PSD3: variants seen among roughly 807,000 people sequenced by gnomAD.
PSD3 encodes the protein PH and SEC7 domain-containing protein 3.
In PSD3, 49 loss-of-function variants were observed where a neutral mutation model predicts 105.5. That is an observed-to-expected ratio of 0.46 (90% CI 0.37 to 0.59). PSD3 has a LOEUF of 0.59. Ranked by LOEUF, PSD3 falls within the 20% of genes least tolerant of loss-of-function variation. PSD3 has a pLI of 0.00. For synonymous variants in PSD3, 557 were observed against 457.8 expected, an observed-to-expected ratio of 1.22 and a Z score of -2.77; for missense variants, 1,561 against 1,263.8, an observed-to-expected ratio of 1.24 and a Z score of -3.57.
intron 9 of PSD3, among the ~76,000 whole-genome samples, chr8:18,762,641 T>C (rs914170907): frequency 2.6e-5 from 4 of 152,184 alleles, no homozygotes; most frequent in African/African-American, 9.7e-5. Flanking sequence ...ATGTCAAATA[T>C]CGGTTTAGGT....
At chr8:18,984,837 C>A (rs1481253451) in intron 1 of PSD3, among the ~76,000 whole-genome samples, 1 of 152,222 alleles carries the variant, frequency 6.6e-6, no homozygotes, top group East Asian at 1.9e-4. Context: ...ACCTTGGAGG[C>A]TGTGAAGGCA....
At chr8:18,824,732 G>T (rs951838218) in intron 4 of PSD3, among the ~76,000 whole-genome samples, 3 of 152,138 alleles carry the variant, frequency 2.0e-5, no homozygotes, top group Admixed American at 6.5e-5. Context: ...AATAAGAACA[G>T]AGATCAAGAT....
chr8:18,630,013 A>C (rs1159629558), intron 11 of PSD3, among the ~76,000 whole-genome samples: 2 of 151,866 alleles, frequency 1.3e-5, no homozygotes, highest in Non-Finnish European at 2.9e-5. Flanking sequence ...TGATAGCCCC[A>C]TGGAAAAACA....
chr8:19,008,424 A>G (rs901984021), intron 1 of PSD3, among the ~76,000 whole-genome samples: 1 of 152,196 alleles, frequency 6.6e-6, no homozygotes, highest in Non-Finnish European at 1.5e-5. Context: ...CTTCGCCAGA[A>G]AATAACACAG....
chr8:18,769,661 G>A (rs190044802), intron 8 of PSD3, among the ~76,000 whole-genome samples: 78 of 152,194 alleles, frequency 5.1e-4, no homozygotes, highest in African/African-American at 1.8e-3. Flanking sequence ...GGGACCACCT[G>A]GCAAGCACAA....
chr8:18,958,206 A>G (rs1256110474), intron 1 of PSD3, among the ~76,000 whole-genome samples: 2 of 152,240 alleles, frequency 1.3e-5, no homozygotes, highest in Non-Finnish European at 2.9e-5. Context: ...ACTACCGCCA[A>G]GATATACTGT....
chr8:19,083,516 C>T (rs952941972), intron 1 of PSD3, among the ~76,000 whole-genome samples: 1 of 152,192 alleles, frequency 6.6e-6, no homozygotes, highest in Non-Finnish European at 1.5e-5. Context: ...ATGGAGGCTC[C>T]TGTCCCAGGC....
At chr8:18,998,187 A>G (rs1056799558) in intron 1 of PSD3, among the ~76,000 whole-genome samples, 2 of 151,950 alleles carry the variant, frequency 1.3e-5, no homozygotes, top group Admixed American at 6.6e-5. Context: ...AAAGAGTTGT[A>G]TTTTAAATAA....
At chr8:18,651,341 T>A (rs766596119) in intron 10 of PSD3, among the ~76,000 whole-genome samples, 6 of 152,244 alleles carry the variant, frequency 3.9e-5, no homozygotes, top group Non-Finnish European at 8.8e-5. Flanking sequence ...TATCGTGATT[T>A]CCTCTAAGGT....
chr8:18,726,948 C>T (rs1212235160), intron 9 of PSD3, among the ~76,000 whole-genome samples: 1 of 152,052 alleles, frequency 6.6e-6, no homozygotes, highest in African/African-American at 2.4e-5. Flanking sequence ...AGCACTTGCA[C>T]TTTGGGAGGC....
At chr8:18,981,049 C>T (rs1184260908) in intron 1 of PSD3, among the ~76,000 whole-genome samples, 1 of 152,134 alleles carries the variant, frequency 6.6e-6, no homozygotes, top group African/African-American at 2.4e-5. Flanking sequence ...CTCCCCTGTC[C>T]CTGCTCCCCT....
chr8:18,752,735 C>T (rs1805716722), intron 9 of PSD3, among the ~76,000 whole-genome samples: 1 of 128,444 alleles, frequency 7.8e-6, no homozygotes, highest in Admixed American at 9.1e-5. Context: ...TAAGTCTATA[C>T]TGTATGACAA....
chr8:18,554,495 C>T lies in PSD3; in HGVS notation c.2928+1714G>A, dbSNP rs138440420. Among the ~76,000 whole-genome samples the T allele has an allele frequency of 1.5e-4, 23 of 152,096 alleles. No individual in the cohort carries two copies. In the Middle Eastern group the frequency reaches 0.01, roughly 67 times the overall value. On this transcript the variant is annotated intron_variant, in intron 15 of 15. Coordinates refer to ENST00000327040, the MANE Select transcript of PSD3 (RefSeq NM_015310.4). The stretch of plus-strand genomic sequence containing the variant: ...AAATAGTTCTCTTAGTAGAGTTCTC[C>T]GCCCAGAGCAAGGATTTGCTTGACC...
intron 9 of PSD3, among the ~76,000 whole-genome samples, chr8:18,676,012 C>G (rs1800044871): frequency 6.6e-6 from 1 of 152,172 alleles, no homozygotes; most frequent in Non-Finnish European, 1.5e-5. Context: ...TCCTTATGGT[C>G]AACTTCAGGT....
chr8:18,638,381 G>C (rs1807421651), intron 10 of PSD3, among the ~76,000 whole-genome samples: 1 of 150,382 alleles, frequency 6.6e-6, no homozygotes. Flanking sequence ...CTTATATATA[G>C]AAAAACCGTA....
intron 9 of PSD3, among the ~76,000 whole-genome samples, chr8:18,668,578 C>G (rs1171822935): frequency 6.6e-6 from 1 of 152,202 alleles, no homozygotes; most frequent in African/African-American, 2.4e-5. Context: ...CTGCCAAGGT[C>G]ATACAGCAGA....
intron 9 of PSD3, among the ~76,000 whole-genome samples, chr8:18,734,761 A>G (rs1218835295): frequency 1.3e-5 from 2 of 152,200 alleles, no homozygotes; most frequent in Non-Finnish European, 2.9e-5. Context: ...TGAACCCGTA[A>G]CTGTAAATAT....
At chr8:18,594,241 ATTATATATAT>A (rs1296359472) in intron 12 of PSD3, among the ~76,000 whole-genome samples, 1 of 8,928 alleles carries the variant, frequency 1.1e-4, no homozygotes, top group African/African-American at 2.6e-4. Flanking sequence ...AATATATATT[ATTATATATAT>A]TATATAATAT....
rs1328140604 is a variant in PSD3 at position 18,528,286 on chromosome 8, G to A, written c.*7457C>T. On this transcript the variant is annotated 3_prime_UTR_variant, in exon 16 of 16. Transcript: ENST00000327040. ...TCGACCCTTCCCCTAGAAAGGAAAC[G>A]TTAGCCATTTCCAGGAATCTGGGTG... 13 of 152,212 alleles carry A rather than the reference G, an allele frequency of 8.5e-5. No individual in the cohort carries two copies. Among genetic ancestry groups the A allele is most frequent in the Admixed American group, 5.9e-4 (9 of 15,282 alleles). 9.4% of individuals were successfully genotyped at this position (152,212 alleles called of 1,614,324 possible).
Sources: gnomAD v4.1 joint callset for allele counts (sites outside exome capture counted in the v4.1 genomes callset) on GRCh38, gnomAD v4.1.1 for gene constraint, MANE v1.5 for transcripts, NCBI Gene and HGNC (gene_info 2026-07-23, HGNC 2026-07-21) for gene names.